The following BANK1 variants were observed in gnomAD, a reference collection of about 807,000 sequenced individuals.
BANK1 encodes the protein B cell scaffold protein with ankyrin repeats 1.
Under a neutral mutation model 94.5 loss-of-function variants are expected in BANK1, and 95 were observed. The ratio of observed to expected loss-of-function variants is 1.00; its 90% CI spans 0.85 to 1.19. The LOEUF is 1.19. Ranked by LOEUF, BANK1 falls within the 50% of genes most tolerant of loss-of-function variation. The pLI is 0.00. For synonymous variants in BANK1, 334 were observed against 308.4 expected (o/e 1.08, Z -0.87); for missense variants, 987 against 932.2 (o/e 1.06, Z -0.77).
intron 11 of BANK1, among the ~76,000 whole-genome samples, chr4:102,052,210 C>T (rs932481299): frequency 1.3e-5 from 2 of 150,862 alleles, no homozygotes; most frequent in African/African-American, 4.9e-5. Context: ...CTCCGCCTCC[C>T]GTGTTCATCC....
chr4:101,820,317 GT>G (rs201112406), intron 1 of BANK1, among the ~76,000 whole-genome samples: 4 of 152,030 alleles, frequency 2.6e-5, no homozygotes, highest in Non-Finnish European at 1.5e-5. Flanking sequence ...GTATTAAATC[GT>G]TTTTTGTGGA....
intron 6 of BANK1, among the ~76,000 whole-genome samples, chr4:101,896,983 T>C (rs768483833): frequency 1.6e-4 from 25 of 152,124 alleles, no homozygotes; most frequent in South Asian, 4.1e-4. Flanking sequence ...AATGTTCCAA[T>C]GTATACTTAA....
chr4:101,986,853 A>ATGTATATATATGTGTATATATG lies in BANK1; in HGVS notation c.1207-34650_1207-34649insGTGTATATATGTGTATATATAT, dbSNP rs1560668243. ...TATATGTATATATATGTGTATATAT[A>ATGTATATATATGTGTATATATG]TGTATATATATATGTGTGTATGTGT... On this transcript the variant is annotated intron_variant, in intron 7 of 16. Transcript: ENST00000322953. Among the ~76,000 whole-genome samples the ATGTATATATATGTGTATATATG allele has an allele frequency of 1.2e-3, 84 of 68,510 alleles. 3 individuals are homozygous for ATGTATATATATGTGTATATATG. The highest frequency in any genetic ancestry group is 5.1e-3 in the South Asian group (8 of 1,554). 44.9% of individuals were successfully genotyped at this position (68,510 alleles called of 152,430 possible). A position where few individuals can be genotyped will look rare whatever the true frequency, so the allele number is the denominator to read the frequency against.
chr4:101,960,027 A>G (rs1403868727), intron 7 of BANK1, among the ~76,000 whole-genome samples: 1 of 152,132 alleles, frequency 6.6e-6, no homozygotes, highest in Non-Finnish European at 1.5e-5. Flanking sequence ...GGGTGGGTGC[A>G]CTCCTTCACT....
At chr4:101,962,034 G>A (rs540396566) in intron 7 of BANK1, among the ~76,000 whole-genome samples, 2 of 152,196 alleles carry the variant, frequency 1.3e-5, no homozygotes, top group African/African-American at 4.8e-5. Context: ...GAAATAATTA[G>A]AAAGGTTACA....
At chr4:101,934,276 C>G (rs1350638966) in intron 7 of BANK1, among the ~76,000 whole-genome samples, 1 of 151,306 alleles carries the variant, frequency 6.6e-6, no homozygotes, top group East Asian at 2.0e-4. Context: ...AGTCCTACAA[C>G]TTACTTGTTT....
intron 11 of BANK1, among the ~76,000 whole-genome samples, chr4:102,050,580 A>G (rs537738185): frequency 6.6e-6 from 1 of 152,340 alleles, no homozygotes; most frequent in South Asian, 2.1e-4. Context: ...ATATTTTAGC[A>G]ATAATCCACA....
intron 2 of BANK1, among the ~76,000 whole-genome samples, chr4:101,845,604 C>T (rs892797572): frequency 5.3e-5 from 8 of 152,142 alleles, no homozygotes; most frequent in African/African-American, 1.9e-4. Flanking sequence ...TAATCATTTT[C>T]TCTAGCAGTG....
At chr4:102,058,559 T>C (rs1728311242) in intron 11 of BANK1, among the ~76,000 whole-genome samples, 1 of 152,088 alleles carries the variant, frequency 6.6e-6, no homozygotes, top group Non-Finnish European at 1.5e-5. Context: ...TTGTAAACCC[T>C]ACCAAAAATT....
chr4:101,950,018 G>GGTGTGTGTGTGTGTGT (rs6148602), intron 7 of BANK1, among the ~76,000 whole-genome samples: 13 of 149,400 alleles, frequency 8.7e-5, no homozygotes, highest in African/African-American at 2.7e-4. Flanking sequence ...GGAAGTAAGG[G>GGTGTGTGTGTGTGTGT]GTGTGTGTGT....
chr4:101,999,694 C>G (rs753123460), intron 7 of BANK1, among the ~76,000 whole-genome samples: 147 of 152,012 alleles, frequency 9.7e-4, no homozygotes, highest in Admixed American at 1.6e-3. Flanking sequence ...CAAGGACTTG[C>G]CATATATAAC....
At chr4:101,795,781 G>A (rs1307206171) in intron 1 of BANK1, among the ~76,000 whole-genome samples, 1 of 152,134 alleles carries the variant, frequency 6.6e-6, no homozygotes, top group Non-Finnish European at 1.5e-5. Flanking sequence ...TTGTAGGTCA[G>A]AGACCTTTCC....
chr4:101,791,067 A>T (rs1724966153), intron 1 of BANK1, 117 bp downstream of exon 1: 1 of 822,164 alleles, frequency 1.2e-6, no homozygotes. Flanking sequence ...GGCGTCCCTG[A>T]GACAGGGCTT....
chr4:102,041,916 C>A (rs1333537652), intron 10 of BANK1, among the ~76,000 whole-genome samples: 1 of 151,950 alleles, frequency 6.6e-6, no homozygotes, highest in African/African-American at 2.4e-5. Context: ...TGATTTGTAA[C>A]AAATTAATGC....
intron 7 of BANK1, among the ~76,000 whole-genome samples, chr4:102,001,006 G>A (rs1005067573): frequency 9.9e-5 from 15 of 152,114 alleles, no homozygotes; most frequent in South Asian, 8.3e-4. Context: ...CCGTCACAGC[G>A]AATGGCTACA....
intron 10 of BANK1, among the ~76,000 whole-genome samples, chr4:102,042,722 G>A (rs1183827924): frequency 1.3e-5 from 2 of 152,002 alleles, no homozygotes; most frequent in Non-Finnish European, 2.9e-5. Context: ...CACTCCCACA[G>A]GCCTCAGCTC....
rs1320396794 is a variant in BANK1, at chr4:102,011,341, G to A, written c.1207-10173G>A. ...ATTTCTTTTAGGCAATGTCTATGAA[G>A]ATTAGAAATTATTTTCACAAGTGAC... is the stretch of plus-strand genomic sequence containing the variant. On this transcript the variant is annotated intron_variant, in intron 7 of 16. Coordinates refer to ENST00000322953, the MANE Select transcript of BANK1 (RefSeq NM_017935.5). 2.0e-5 allele frequency among the ~76,000 whole-genome samples: 3 copies of A among 152,202 alleles called. No homozygotes were observed. The East Asian group carries it at 5.8e-4, about 29-fold the overall frequency.
intron 7 of BANK1, among the ~76,000 whole-genome samples, chr4:101,994,678 C>T (rs1725816718): frequency 6.6e-6 from 1 of 152,124 alleles, no homozygotes; most frequent in South Asian, 2.1e-4. Flanking sequence ...AAACACTCAG[C>T]TCATTGTTAG....
intron 6 of BANK1, among the ~76,000 whole-genome samples, chr4:101,897,349 G>T (rs1426992564): frequency 6.6e-6 from 1 of 151,820 alleles, no homozygotes; most frequent in Non-Finnish European, 1.5e-5. Context: ...CATGGTTTTG[G>T]TTTCCTGTTT....
Sources: gnomAD v4.1 joint callset for allele counts (sites outside exome capture counted in the v4.1 genomes callset) on GRCh38, gnomAD v4.1.1 for gene constraint, MANE v1.5 for transcripts, NCBI Gene and HGNC (gene_info 2026-07-23, HGNC 2026-07-21) for gene names.